Variants in DIPK1A observed in about 807,000 individuals in gnomAD.
DIPK1A encodes the protein family with sequence similarity 69 member A.
Under a neutral mutation model 40.8 loss-of-function variants are expected in DIPK1A, and 27 were observed. The ratio of observed to expected loss-of-function variants is 0.66; its 90% confidence interval spans 0.49 to 0.91. The LOEUF is 0.91. DIPK1A is among the 40% of genes least tolerant of loss of function. The pLI, the probability that DIPK1A is intolerant of heterozygous loss-of-function variation, is 0.00. For synonymous variants in DIPK1A, 166 were observed against 171.3 expected, an observed-to-expected ratio of 0.97 and a Z score of 0.24; for missense variants, 412 against 505.7, an observed-to-expected ratio of 0.81 and a Z score of 1.78.
Position 92,850,944 on chromosome 1 carries a change from G to A in DIPK1A, c.201C>T (p.Tyr67=), listed in dbSNP as rs1372301924. The A allele has an allele frequency of 6.4e-7, 1 of 1,561,584 alleles. No homozygotes were observed. The highest frequency in any genetic ancestry group is 8.7e-7 in the Non-Finnish European group (1 of 1,152,346). Residue 67 remains tyrosine (Y), a synonymous_variant, in exon 3 of 5, where the codon TAC becomes TAT. Coordinates refer to ENST00000370310, the MANE Select transcript of DIPK1A (RefSeq NM_001006605.5). ...KDCKKIICDK[Y]KTGVIDGPAC... is the part of the protein sequence containing the mutation. The stretch of plus-strand genomic sequence containing the variant: ...CAGGCCCATCAATAACTCCAGTCTT[G>A]TACTTGTCACACTAAAAACCAGGAA...
chr1:92,928,695 C>T (rs112122367), intron 1 of DIPK1A, among the ~76,000 whole-genome samples: 4,677 of 152,248 alleles, frequency 0.031, 205 homozygotes, highest in African/African-American at 0.1. Context: ...GGTATGGTGG[C>T]ACATGCCTGT....
At position 92,832,884 on chromosome 1, in the gene DIPK1A, C is replaced by T. The variant is rs147067446; in HGVS notation, c.*136G>A. 807 of 640,824 alleles carry T rather than the reference C, an allele frequency of 1.3e-3. 8 individuals are homozygous for T. The highest frequency in any genetic ancestry group is 0.012 in the African/African-American group (671 of 54,802). The allele number at this position is 640,824 out of a possible 1,614,324, so 39.7% of individuals were successfully genotyped here. A position where few individuals can be genotyped will look rare whatever the true frequency, so the allele number is the denominator to read the frequency against. ...TAATTTAGGCTTTTGAAAAACATAA[C>T]ATGGGAAGCGAGAGAGGTACGTAGT... is the stretch of plus-strand genomic sequence containing the variant. On this transcript the variant is annotated 3_prime_UTR_variant, in exon 5 of 5. Transcript: ENST00000615519.
chr1:92,957,795 T>C (rs1182528300), intron 1 of DIPK1A, among the ~76,000 whole-genome samples: 4 of 152,246 alleles, frequency 2.6e-5, no homozygotes, highest in African/African-American at 9.6e-5. Flanking sequence ...CAGTAGGTTT[T>C]AGTATATTCA....
chr1:92,846,833 A>ATG (rs1687634446), intron 4 of DIPK1A, among the ~76,000 whole-genome samples: 1 of 7,584 alleles, frequency 1.3e-4, no homozygotes, highest in Non-Finnish European at 1.8e-4. Context: ...ATATATATAT[A>ATG]TATATATATG....
chr1:92,933,989 A>G (rs1045194006), intron 1 of DIPK1A: 1 of 152,218 alleles, frequency 6.6e-6, no homozygotes, highest in African/African-American at 2.4e-5. Flanking sequence ...CTGGATTAGG[A>G]TAGGCCAACA....
intron 1 of DIPK1A, among the ~76,000 whole-genome samples, chr1:92,928,913 A>C (rs927542807): frequency 5.3e-5 from 8 of 152,094 alleles, no homozygotes; most frequent in African/African-American, 1.9e-4. Context: ...AGTGAGCCAA[A>C]ACCGCACCAC....
downstream of DIPK1A, chr1:92,840,523 A>G (rs917607863): frequency 6.4e-7 from 1 of 1,553,262 alleles, no homozygotes; most frequent in African/African-American, 1.4e-5. Context: ...AAATGAAACC[A>G]AGTACTGTTT....
chr1:92,840,720 T>G, downstream of DIPK1A: 1 of 1,023,468 alleles, frequency 9.8e-7, no homozygotes, highest in Non-Finnish European at 1.5e-6. Context: ...GGTGTAATTG[T>G]GCAAACTCGA....
In DIPK1A at chr1:92,846,872, T is replaced by TACAC. The variant is rs1311887188; in HGVS notation, c.474+310_474+311insGTGT. ...GTATATATATATGTGTGTATATATA[T>TACAC]ATATATATATACACACACACGTATA... is the stretch of plus-strand genomic sequence containing the variant. On this transcript the variant is annotated intron_variant, in intron 4 of 4. Transcript: ENST00000370310. 3.9e-4 allele frequency among the ~76,000 whole-genome samples: 6 copies of TACAC among 15,326 alleles called. 2 individuals are homozygous for TACAC. The highest frequency in any genetic ancestry group is 2.7e-3 in the East Asian group (2 of 728). 10.1% of individuals were successfully genotyped at this position (15,326 alleles called of 152,430 possible).
At chr1:92,952,120 G>A (rs1651658733) in intron 1 of DIPK1A, among the ~76,000 whole-genome samples, 1 of 150,806 alleles carries the variant, frequency 6.6e-6, no homozygotes, top group African/African-American at 2.4e-5. Context: ...AGTCACTACT[G>A]GGGGAATGCT....
chr1:92,920,540 T>C (rs1248642924), intron 1 of DIPK1A, among the ~76,000 whole-genome samples: 2 of 152,148 alleles, frequency 1.3e-5, no homozygotes, highest in East Asian at 1.9e-4. Flanking sequence ...AGAGTAACCA[T>C]GGTACAAAGA....
At chr1:92,960,390 T>C (rs1652023250) in intron 1 of DIPK1A, among the ~76,000 whole-genome samples, 1 of 152,178 alleles carries the variant, frequency 6.6e-6, no homozygotes, top group South Asian at 2.1e-4. Context: ...CTCTTGGCCT[T>C]TTAATGTAAG....
At chr1:92,875,736 A>G (rs1053178680) in intron 2 of DIPK1A, among the ~76,000 whole-genome samples, 15 of 151,546 alleles carry the variant, frequency 9.9e-5, no homozygotes, top group African/African-American at 3.6e-4. Context: ...AAAAAGAGAG[A>G]AAGTACTGGT....
intron 1 of DIPK1A, among the ~76,000 whole-genome samples, chr1:92,882,536 G>C (rs1046072015): frequency 1.5e-4 from 23 of 152,178 alleles, no homozygotes; most frequent in African/African-American, 5.5e-4. Flanking sequence ...CTATAATGCA[G>C]AGTTTGATGT....
chr1:92,870,071 T>TACACAC (rs1491483682), intron 2 of DIPK1A, among the ~76,000 whole-genome samples: 2 of 30,310 alleles, frequency 6.6e-5, no homozygotes, highest in Non-Finnish European at 7.3e-5. Flanking sequence ...ACATGAATTA[T>TACACAC]ATATACACAC....
intron 1 of DIPK1A, 133 bp from the exon 2 acceptor site, chr1:92,876,563 C>T: frequency 1.1e-6 from 1 of 910,994 alleles, no homozygotes; most frequent in Non-Finnish European, 1.6e-6. Context: ...AATTCTAGAA[C>T]AAAGTGCACT....
chr1:92,894,969 C>A (rs1270062004), intron 1 of DIPK1A, among the ~76,000 whole-genome samples: 4 of 152,014 alleles, frequency 2.6e-5, no homozygotes, highest in Non-Finnish European at 4.4e-5. Flanking sequence ...AGTTGAATCC[C>A]TGAATAGACC....
downstream of DIPK1A, chr1:92,841,925 T>C (rs1687382713): frequency 7.5e-7 from 1 of 1,324,602 alleles, no homozygotes; most frequent in Non-Finnish European, 1.1e-6. Flanking sequence ...ACAGCAACTA[T>C]TTCTGTGTTA....
intron 1 of DIPK1A, among the ~76,000 whole-genome samples, chr1:92,918,164 T>G (rs1650127691): frequency 6.6e-6 from 1 of 152,174 alleles, no homozygotes; most frequent in Admixed American, 6.5e-5. Flanking sequence ...TTCTTTTTTT[T>G]TCTGAGACAG....
Sources: allele counts gnomAD v4.1 joint callset (sites outside exome capture counted in the v4.1 genomes callset), GRCh38; gene constraint gnomAD v4.1.1; transcripts MANE v1.5; gene names NCBI Gene and HGNC (gene_info 2026-07-23, HGNC 2026-07-21).